DOCK9: variants seen among roughly 807,000 people sequenced by gnomAD.
DOCK9 encodes dedicator of cytokinesis protein 9.
In DOCK9, 89 loss-of-function variants were observed where a neutral mutation model predicts 263.3. That is an observed-to-expected ratio of 0.34 (90% confidence interval 0.28 to 0.40). The LOEUF (loss-of-function observed/expected upper bound fraction) is 0.40, where lower values mean the gene tolerates loss of function less well. Ranked by LOEUF, DOCK9 falls within the 10% of genes least tolerant of loss-of-function variation. The pLI, the probability that DOCK9 is intolerant of heterozygous loss-of-function variation, is 1.00. For synonymous variants in DOCK9, 976 were observed against 973.1 expected (o/e 1.00, Z -0.06); for missense variants, 2,140 against 2,603.4 (o/e 0.82, Z 3.87).
At chr13:98,943,209 A>G (rs1162326168) in intron 2 of DOCK9, among the ~76,000 whole-genome samples, 1 of 152,242 alleles carries the variant, frequency 6.6e-6, no homozygotes, top group African/African-American at 2.4e-5. Flanking sequence ...CTTTGTAGAT[A>G]TAATGCTAAG....
At chr13:98,954,822 A>G (rs1316369014) in intron 2 of DOCK9, among the ~76,000 whole-genome samples, 1 of 151,682 alleles carries the variant, frequency 6.6e-6, no homozygotes, top group African/African-American at 2.4e-5. Flanking sequence ...ACTTGTGCCC[A>G]CTAAATCAGC....
chr13:98,871,919 A>T (rs2094197519), intron 27 of DOCK9: 1 of 153,072 alleles, frequency 6.5e-6, no homozygotes, highest in Admixed American at 6.5e-5. Flanking sequence ...CTGGCTGCTC[A>T]GCGCCTACCA....
chr13:98,950,062 C>T, intron 2 of DOCK9: 1 of 458,120 alleles, frequency 2.2e-6, no homozygotes, highest in South Asian at 2.0e-5. Flanking sequence ...CTATAAGCAA[C>T]ATTTTAGGCT....
rs2093828234 is a variant in DOCK9, at chr13:98,860,452, A to G, written c.3650T>C (p.Leu1217Pro). ...CAGGTCCTTGTGCAGGCTGTTGTCC[A>G]GGGTGCTTCCCTTCTGCGGCGTCAC... ...PLVTPQKGST[L>P]DNSLHKDLLG... The change falls in exon 33 of 53, where the codon CTG (leucine) becomes CCG (proline). Residue 1217 changes from leucine to proline, a missense_variant. Leu to Pro is a moderately conservative substitution (Grantham distance 98, BLOSUM62 -3). Around this residue, in one of 2 missense-constraint regions of DOCK9, gnomAD observed 1,521 missense variants for 1,741.7 expected, o/e 0.87. Transcript: ENST00000682017. 1.3e-6 allele frequency: 2 copies of G among 1,594,078 alleles called. No homozygotes were observed. The highest frequency in any genetic ancestry group is 1.3e-5 in the African/African-American group (1 of 74,742).
chr13:98,800,723 C>A (rs372765365), intron 49 of DOCK9, among the ~76,000 whole-genome samples: 1 of 152,048 alleles, frequency 6.6e-6, no homozygotes, highest in African/African-American at 2.4e-5. Flanking sequence ...ATGTGACAAG[C>A]GTGTCTTTAA....
chr13:99,052,080 G>A (rs1253373104), intron 1 of DOCK9, among the ~76,000 whole-genome samples: 1 of 152,196 alleles, frequency 6.6e-6, no homozygotes, highest in Non-Finnish European at 1.5e-5. Flanking sequence ...ATAACCATAA[G>A]TCATTAGCTC....
chr13:98,842,253 C>G (rs1340916656), intron 38 of DOCK9, among the ~76,000 whole-genome samples: 1 of 152,200 alleles, frequency 6.6e-6, no homozygotes, highest in Non-Finnish European at 1.5e-5. Context: ...CCCAGCTGGG[C>G]CTCCTCCAGT....
Position 98,897,610 on chromosome 13 carries a change from C to T in DOCK9, c.1587G>A (p.Arg529=). 1 of 1,612,696 alleles carries T rather than the reference C, an allele frequency of 6.2e-7. No individual in the cohort carries two copies. The highest frequency in any genetic ancestry group is 8.5e-7 in the Non-Finnish European group (1 of 1,179,518). Residue 529 remains arginine, a splice_region_variant and synonymous_variant, in exon 15 of 53, where the codon AGG becomes AGA. Transcript: ENST00000682017. ...QYRMPFAWAA[R]TLFKDASGNL... The stretch of plus-strand genomic sequence containing the variant: ...TTCCAGATGCATCCTTAAACAATGT[C>T]CTGAAATGGCAAAGCAACATTTCTA...
At chr13:98,827,638 G>A (rs750485799) in intron 43 of DOCK9, among the ~76,000 whole-genome samples, 19 of 152,188 alleles carry the variant, frequency 1.2e-4, no homozygotes, top group Non-Finnish European at 2.5e-4. Context: ...TGTTAGCAGC[G>A]TGGCATGCAC....
At chr13:98,839,230 G>A (rs1337701959) in intron 38 of DOCK9, among the ~76,000 whole-genome samples, 2 of 152,130 alleles carry the variant, frequency 1.3e-5, no homozygotes, top group African/African-American at 2.4e-5. Context: ...AACACATCTC[G>A]CACCATGCTA....
chr13:98,908,787 G>T (rs2049525875), intron 9 of DOCK9, among the ~76,000 whole-genome samples: 1 of 152,188 alleles, frequency 6.6e-6, no homozygotes, highest in African/African-American at 2.4e-5. Flanking sequence ...GAAGGGAAAA[G>T]GTGAACTTTT....
chr13:98,876,109 T>C (rs369939613), intron 27 of DOCK9, among the ~76,000 whole-genome samples: 2 of 152,172 alleles, frequency 1.3e-5, no homozygotes, highest in African/African-American at 4.8e-5. Context: ...AACACTTTAA[T>C]TGGCACTGAA....
chr13:98,876,513 T>G (rs1411798031), intron 27 of DOCK9, among the ~76,000 whole-genome samples: 1 of 152,206 alleles, frequency 6.6e-6, no homozygotes, highest in Non-Finnish European at 1.5e-5. Flanking sequence ...TTAATAATTT[T>G]GGTCTAAAAA....
intron 1 of DOCK9, among the ~76,000 whole-genome samples, chr13:99,009,679 C>T (rs954309351): frequency 6.6e-6 from 1 of 152,040 alleles, no homozygotes; most frequent in Admixed American, 6.6e-5. Flanking sequence ...GTCCCCACCC[C>T]CAAACCCACA....
At chr13:98,925,406 G>A (rs1052203440) in intron 4 of DOCK9, among the ~76,000 whole-genome samples, 6 of 151,956 alleles carry the variant, frequency 3.9e-5, no homozygotes, top group African/African-American at 1.4e-4. Context: ...CTGGGAAAAT[G>A]CTTGTTTCTT....
intron 2 of DOCK9, among the ~76,000 whole-genome samples, chr13:98,949,300 A>G (rs1234774112): frequency 2.0e-5 from 3 of 152,094 alleles, no homozygotes; most frequent in Non-Finnish European, 4.4e-5. Context: ...TCCTATGTGT[A>G]TTTCAAGTCT....
In DOCK9 at chr13:98,853,393, C is replaced by A; in HGVS notation, c.3946+15G>T. On this transcript the variant is annotated intron_variant, in intron 35 of 52. Coordinates refer to ENST00000682017, the MANE Select transcript of DOCK9 (RefSeq NM_001366683.2). ...CTGAAACGAGCAAAACAGAAATCTC[C>A]ATTTTTTAACCTACCATCAGACATG... 6.4e-7 allele frequency: 1 copy of A among 1,552,948 alleles called. No homozygotes were observed. Among genetic ancestry groups the A allele is most frequent in the South Asian group, 1.2e-5 (1 of 85,082 alleles).
intron 13 of DOCK9, among the ~76,000 whole-genome samples, chr13:98,900,145 A>C (rs1354788874): frequency 7.3e-6 from 1 of 137,300 alleles, no homozygotes; most frequent in Non-Finnish European, 1.6e-5. Context: ...TAATGTACAC[A>C]TGGATGAGCT....
intron 1 of DOCK9, among the ~76,000 whole-genome samples, chr13:99,017,441 G>A (rs1192419315): frequency 6.6e-6 from 1 of 152,200 alleles, no homozygotes; most frequent in African/African-American, 2.4e-5. Flanking sequence ...ACCTGGAAAT[G>A]TAAAATTAAT....
Sources: gnomAD v4.1 joint callset for allele counts (sites outside exome capture counted in the v4.1 genomes callset) on GRCh38, gnomAD v4.1.1 for gene constraint, gnomAD v4.1.1 regional missense constraint, MANE v1.5 for transcripts, NCBI Gene and HGNC (gene_info 2026-07-23, HGNC 2026-07-21) for gene names.